ZNF184: variants seen among roughly 807,000 people sequenced by gnomAD.
The protein encoded by ZNF184 is zinc finger protein 184 (Kruppel-like).
In ZNF184, 16 loss-of-function variants were observed where a neutral mutation model predicts 54.4. That is an observed-to-expected ratio of 0.29 (90% CI 0.20 to 0.45). The LOEUF (loss-of-function observed/expected upper bound fraction) is 0.45. Ranked by LOEUF, ZNF184 falls within the 20% of genes least tolerant of loss-of-function variation. The probability of loss-of-function intolerance (pLI) is 1.00; values close to 1 mark genes in which losing one functional copy is unlikely to be tolerated. For synonymous variants in ZNF184, 254 were observed against 295.3 expected (o/e 0.86, Z 1.43); for missense variants, 681 against 888.2 (o/e 0.77, Z 2.97).
chr6:27,457,448 T>TA (rs775269468), intron 3 of ZNF184, 39 bp from the exon 4 acceptor site: 222 of 1,607,780 alleles, frequency 1.4e-4, no homozygotes, highest in Non-Finnish European at 1.8e-4. Context: ...CCATAAGCAT[T>TA]TACTTAGGAA....
chr6:27,469,097 GTAAT>G (rs755261851), intron 2 of ZNF184, among the ~76,000 whole-genome samples: 8 of 152,152 alleles, frequency 5.3e-5, no homozygotes, highest in Non-Finnish European at 1.2e-4. Flanking sequence ...GACTCGTCTG[GTAAT>G]TAATTATGTA....
At chr6:27,455,544 CT>C (rs923788345) in intron 5 of ZNF184, among the ~76,000 whole-genome samples, 64 of 150,772 alleles carry the variant, frequency 4.2e-4, no homozygotes, top group African/African-American at 1.4e-3. Flanking sequence ...AGTTCTTCTT[CT>C]TTTTTTTAAT....
At chr6:27,442,818 GAA>G in the ZNF184 span, among the ~76,000 whole-genome samples, 5 of 13,930 alleles carry the variant, frequency 3.6e-4, no homozygotes, top group African/African-American at 1.1e-3. Flanking sequence ...GAAAGAGAAA[GAA>G]AGAAAGAAAG....
chr6:27,423,629 G>A, the ZNF184 span, among the ~76,000 whole-genome samples: 1 of 110,984 alleles, frequency 9.0e-6, no homozygotes, highest in Admixed American at 1.0e-4. Flanking sequence ...ATAAAGGGAT[G>A]AAAAGCCAAA....
the ZNF184 span, among the ~76,000 whole-genome samples, chr6:27,425,386 C>T: frequency 6.6e-6 from 1 of 152,250 alleles, no homozygotes; most frequent in African/African-American, 2.4e-5. Context: ...ACGCTGTCAC[C>T]TCTCACTGTG....
chr6:27,435,995 T>TATGCTA, the ZNF184 span, among the ~76,000 whole-genome samples: 2 of 150,564 alleles, frequency 1.3e-5, no homozygotes, highest in Non-Finnish European at 3.0e-5. Flanking sequence ...AATTAAAGAA[T>TATGCTA]ATGCTAAATA....
Position 27,451,298 on chromosome 6 carries a change from A to G in ZNF184, c.*5T>C. The G allele has an allele frequency of 6.3e-7, 1 of 1,576,416 alleles. No homozygotes were observed. The highest frequency in any genetic ancestry group is 1.2e-5 in the South Asian group (1 of 84,924). On this transcript the variant is annotated 3_prime_UTR_variant, in exon 6 of 6. Coordinates refer to ENST00000683788, the MANE Select transcript of ZNF184 (RefSeq NM_001318891.2). Reference sequence around the variant, plus strand: ...TCCCCTAAATTTATGATGTTCCTAGAATTGTCATATGCCAGGATGCAGTCT... The same window carrying G: ...TCCCCTAAATTTATGATGTTCCTAGGATTGTCATATGCCAGGATGCAGTCT...
chr6:27,439,646 T>C, the ZNF184 span, among the ~76,000 whole-genome samples: 20 of 152,218 alleles, frequency 1.3e-4, no homozygotes, highest in African/African-American at 4.6e-4. Context: ...ATGAGCACAA[T>C]ACAGTAAGAT....
At chr6:27,409,703 GTAAGT>G in the ZNF184 span, among the ~76,000 whole-genome samples, 7 of 152,134 alleles carry the variant, frequency 4.6e-5, no homozygotes, top group African/African-American at 1.4e-4. Flanking sequence ...AAAAGTTATA[GTAAGT>G]TAAGATTAAT....
At chr6:27,455,327 C>T (rs529140090) in intron 5 of ZNF184, among the ~76,000 whole-genome samples, 1 of 152,160 alleles carries the variant, frequency 6.6e-6, no homozygotes, top group East Asian at 1.9e-4. Flanking sequence ...ATTATCTATG[C>T]AACATGGGGG....
At chr6:27,425,621 T>C in the ZNF184 span, among the ~76,000 whole-genome samples, 18 of 152,196 alleles carry the variant, frequency 1.2e-4, no homozygotes, top group African/African-American at 3.6e-4. Flanking sequence ...TTTGAAATTT[T>C]CTGCAATAAA....
the ZNF184 span, among the ~76,000 whole-genome samples, chr6:27,438,639 T>TA: frequency 6.6e-6 from 1 of 152,220 alleles, no homozygotes; most frequent in South Asian, 2.1e-4. Flanking sequence ...ATGTCAGATC[T>TA]TTCTGCAAAC....
At chr6:27,460,216 C>G (rs1299269618) in intron 3 of ZNF184, among the ~76,000 whole-genome samples, 3 of 152,138 alleles carry the variant, frequency 2.0e-5, no homozygotes, top group Admixed American at 6.5e-5. Context: ...TAAAAGAATA[C>G]TCAACCAAAT....
chr6:27,457,292 C>T lies in ZNF184; in HGVS notation c.193G>A (p.Val65Ile). The change falls in exon 4 of 6, where the codon GTC becomes ATC. Residue 65 changes from valine (V) to isoleucine (I), a missense_variant. By Grantham distance (29) the Val-to-Ile change is conservative. Transcript: ENST00000683788. Reference sequence around the variant, plus strand: ...GAGAAATTATCCTTACCTATAGAGACCAGGTGTGTATAATTTTCCAATGTC... The same window carrying T: ...GAGAAATTATCCTTACCTATAGAGATCAGGTGTGTATAATTTTCCAATGTC... ...DVTLENYTHL[V>I]SIGLQVSKPD... is the part of the protein sequence containing the mutation. The T allele has an allele frequency of 6.2e-7, 1 of 1,613,970 alleles. No individual in the cohort carries two copies. Among genetic ancestry groups the T allele is most frequent in the South Asian group, 1.1e-5 (1 of 91,074 alleles).
chr6:27,463,989 TGGACCAGATGATTCTCTTAGAAAA>T (rs1763063550), intron 3 of ZNF184, among the ~76,000 whole-genome samples: 1 of 151,960 alleles, frequency 6.6e-6, no homozygotes, highest in Non-Finnish European at 1.5e-5. Flanking sequence ...ATTGATATTT[TGGACCAGATGATTCTCTTAGAAAA>T]GTGTGGGGGC....
the ZNF184 span, among the ~76,000 whole-genome samples, chr6:27,427,248 G>A: frequency 6.6e-6 from 1 of 152,090 alleles, no homozygotes; most frequent in African/African-American, 2.4e-5. Flanking sequence ...GATGGAGAAC[G>A]GGGTAGGAGT....
the ZNF184 span, among the ~76,000 whole-genome samples, chr6:27,443,340 A>AT: frequency 8.5e-5 from 13 of 152,272 alleles, no homozygotes. Context: ...GACACCTGCT[A>AT]TCAAACTAAA....
the ZNF184 span, among the ~76,000 whole-genome samples, chr6:27,424,923 G>C: frequency 1.3e-5 from 2 of 152,210 alleles, no homozygotes; most frequent in East Asian, 1.9e-4. Flanking sequence ...GCCCATGGAG[G>C]GGGTGGGAGG....
the ZNF184 span, among the ~76,000 whole-genome samples, chr6:27,408,293 A>T: frequency 1.3e-5 from 2 of 152,260 alleles, no homozygotes; most frequent in South Asian, 2.1e-4. Flanking sequence ...GCTTCACTGT[A>T]GTAGAATACT....
Sources: allele counts gnomAD v4.1 joint callset (sites outside exome capture counted in the v4.1 genomes callset), GRCh38; gene constraint gnomAD v4.1.1; transcripts MANE v1.5; gene names NCBI Gene and HGNC (gene_info 2026-07-23, HGNC 2026-07-21).